Variants in ATIC observed in about 807,000 individuals in gnomAD.
ATIC encodes 5-aminoimidazole-4-carboxamide ribonucleotide formyltransferase/IMP cyclohydrolase.
In ATIC, 64 loss-of-function variants were observed where a neutral mutation model predicts 72.5. The ratio of observed to expected loss-of-function variants is 0.88; its 90% CI spans 0.72 to 1.09. The LOEUF (loss-of-function observed/expected upper bound fraction) is 1.09. Among genes scored for constraint, ATIC ranks in the 50% least tolerant of loss-of-function variants. The pLI, the probability that ATIC is intolerant of heterozygous loss-of-function variation, is 0.00. For missense variants in ATIC, 787 were observed against 732.4 expected, an observed-to-expected ratio of 1.07 and a Z score of -0.86; for synonymous variants, 281 against 267.1, an observed-to-expected ratio of 1.05 and a Z score of -0.51.
At chr2:215,332,763 AAT>A (rs2052910020) in intron 8 of ATIC, among the ~76,000 whole-genome samples, 1 of 152,192 alleles carries the variant, frequency 6.6e-6, no homozygotes, top group African/African-American at 2.4e-5. Flanking sequence ...ATAAAAGTGA[AAT>A]GTCCTAATGC....
intron 2 of ATIC, among the ~76,000 whole-genome samples, chr2:215,315,759 T>C (rs930810859): frequency 1.3e-5 from 2 of 152,094 alleles, no homozygotes; most frequent in African/African-American, 4.8e-5. Flanking sequence ...GAGCCCAGCC[T>C]GGCCAACATG....
chr2:215,331,065 A>C (rs561982047), intron 7 of ATIC, among the ~76,000 whole-genome samples: 1 of 152,202 alleles, frequency 6.6e-6, no homozygotes, highest in African/African-American at 2.4e-5. Flanking sequence ...CTTCAAGGAC[A>C]GTTTTTGGTA....
chr2:215,366,858 A>G, the ATIC span, among the ~76,000 whole-genome samples: 1 of 152,250 alleles, frequency 6.6e-6, no homozygotes, highest in East Asian at 1.9e-4. Flanking sequence ...GTTAAAAACC[A>G]TCTACTTGAA....
chr2:215,333,597 CTA>C (rs1288178213), intron 9 of ATIC, 140 bp downstream of exon 9: 1 of 564,530 alleles, frequency 1.8e-6, no homozygotes, highest in Non-Finnish European at 3.0e-6. Flanking sequence ...ACTTCTATCT[CTA>C]TGTAAATATA....
At chr2:215,329,882 C>G (rs2052871021) in intron 7 of ATIC, among the ~76,000 whole-genome samples, 1 of 151,820 alleles carries the variant, frequency 6.6e-6, no homozygotes, top group Non-Finnish European at 1.5e-5. Context: ...CTGCCTCAGC[C>G]TCCTGAGTAG....
intron 2 of ATIC, among the ~76,000 whole-genome samples, chr2:215,314,807 G>C (rs1043849505): frequency 7.9e-5 from 12 of 152,064 alleles, no homozygotes; most frequent in Admixed American, 6.6e-4. Context: ...ATTTTGTAGG[G>C]GTGGAAAGGT....
intron 13 of ATIC, among the ~76,000 whole-genome samples, chr2:215,346,483 T>G (rs2053071770): frequency 6.6e-6 from 1 of 152,074 alleles, no homozygotes. Context: ...TTTAACTTTT[T>G]TTTTTTTTTG....
chr2:215,335,433 T>A (rs187216006), intron 10 of ATIC, among the ~76,000 whole-genome samples: 1 of 152,182 alleles, frequency 6.6e-6, no homozygotes, highest in Non-Finnish European at 1.5e-5. Context: ...GTACTGTTGG[T>A]AGTAGGAAGA....
At chr2:215,366,825 T>A in the ATIC span, among the ~76,000 whole-genome samples, 9 of 152,126 alleles carry the variant, frequency 5.9e-5, no homozygotes, top group South Asian at 4.1e-4. Flanking sequence ...ACATACAAAC[T>A]TAAACGTAGT....
At chr2:215,360,873 A>G in the ATIC span, 6 of 152,694 alleles carry the variant, frequency 3.9e-5, no homozygotes, top group African/African-American at 7.2e-5. Context: ...TGTGGAATGT[A>G]AATCTTTTAT....
intron 12 of ATIC, among the ~76,000 whole-genome samples, chr2:215,340,924 A>C (rs952572019): frequency 1.4e-4 from 22 of 152,128 alleles, no homozygotes; most frequent in African/African-American, 5.3e-4. Flanking sequence ...GTCTGTTAGC[A>C]CTTGCTGTCT....
chr2:215,314,990 T>G (rs1194117709), intron 2 of ATIC, among the ~76,000 whole-genome samples: 1 of 152,128 alleles, frequency 6.6e-6, no homozygotes. Flanking sequence ...TATGTTTAGG[T>G]TCAACAAAGA....
intron 8 of ATIC, among the ~76,000 whole-genome samples, 159 bp downstream of exon 8, chr2:215,332,666 TAC>T (rs553998884): frequency 3.0e-4 from 46 of 151,816 alleles, no homozygotes; most frequent in African/African-American, 4.6e-4. Context: ...TAAAATCTGA[TAC>T]ACACACACAC....
chr2:215,313,768 T>C (rs1415146772), intron 2 of ATIC, among the ~76,000 whole-genome samples: 2 of 152,174 alleles, frequency 1.3e-5, no homozygotes, highest in East Asian at 1.9e-4. Flanking sequence ...TGCCTTACTT[T>C]ATTAACAAAT....
At chr2:215,312,654 AGT>A (rs1559264195) in intron 2 of ATIC, 30 bp downstream of exon 2, 4 of 1,613,962 alleles carry the variant, frequency 2.5e-6, no homozygotes. Context: ...ATCAGAAAGG[AGT>A]GTGATCACAT....
At chr2:215,332,179 T>G (rs1016420659) in intron 7 of ATIC, among the ~76,000 whole-genome samples, 2 of 151,160 alleles carry the variant, frequency 1.3e-5, no homozygotes, top group African/African-American at 4.9e-5. Flanking sequence ...TGTGTGTTCA[T>G]GTACATGTGC....
At chr2:215,316,912 C>T (rs1401026977) in intron 2 of ATIC, among the ~76,000 whole-genome samples, 1 of 151,884 alleles carries the variant, frequency 6.6e-6, no homozygotes, top group Non-Finnish European at 1.5e-5. Context: ...ATAGGCATGC[C>T]CCACCATGCC....
intron 4 of ATIC, among the ~76,000 whole-genome samples, chr2:215,322,120 C>T (rs1338620428): frequency 6.6e-6 from 1 of 151,898 alleles, no homozygotes; most frequent in Non-Finnish European, 1.5e-5. Context: ...CCAGGTTGGT[C>T]TTGAATTCCT....
intron 12 of ATIC, among the ~76,000 whole-genome samples, chr2:215,341,460 T>C (rs1374471010): frequency 1.3e-5 from 2 of 152,202 alleles, no homozygotes; most frequent in Non-Finnish European, 2.9e-5. Context: ...ATCTTAATCG[T>C]TTATCTAAAC....
Sources: gnomAD v4.1 joint callset for allele counts (sites outside exome capture counted in the v4.1 genomes callset) on GRCh38, gnomAD v4.1.1 for gene constraint, MANE v1.5 for transcripts, NCBI Gene and HGNC (gene_info 2026-07-23, HGNC 2026-07-21) for gene names.